CHD9: variants seen among roughly 807,000 people sequenced by gnomAD.
CHD9 encodes ATP-dependent chromatin remodeler CHD9.
A neutral mutation model predicts 316.1 loss-of-function variants in CHD9; 77 were observed. That is an observed-to-expected ratio of 0.24 (90% CI 0.20 to 0.29). The LOEUF is 0.29. CHD9 is among the 10% of genes least tolerant of loss of function. The pLI is 1.00. For synonymous variants in CHD9, 1,129 were observed against 1,158.3 expected (o/e 0.97, Z 0.51); for missense variants, 2,763 against 3,438.1 (o/e 0.80, Z 4.91).
At chr16:53,184,726 A>G (rs997616216) in intron 2 of CHD9, among the ~76,000 whole-genome samples, 1 of 152,164 alleles carries the variant, frequency 6.6e-6, no homozygotes, top group Non-Finnish European at 1.5e-5. Flanking sequence ...CCAAAATCTC[A>G]TCTTGAATTA....
intron 27 of CHD9, 137 bp downstream of exon 27, chr16:53,288,151 C>A: frequency 1.5e-6 from 1 of 653,394 alleles, no homozygotes; most frequent in Non-Finnish European, 2.7e-6. Flanking sequence ...AGTAAGTGAT[C>A]AACTTGGGTT....
intron 3 of CHD9, among the ~76,000 whole-genome samples, chr16:53,221,768 C>G (rs983680037): frequency 2.0e-5 from 3 of 151,988 alleles, no homozygotes; most frequent in Non-Finnish European, 2.9e-5. Flanking sequence ...TAAGCCTTAA[C>G]ATAAGTGAAA....
intron 19 of CHD9, among the ~76,000 whole-genome samples, chr16:53,262,784 C>T (rs545885526): frequency 1.3e-5 from 2 of 152,304 alleles, no homozygotes; most frequent in East Asian, 3.9e-4. Flanking sequence ...TTATTTAATT[C>T]TGCTCCTAAA....
At chr16:53,271,733 C>G (rs955103397) in intron 22 of CHD9, among the ~76,000 whole-genome samples, 2 of 151,790 alleles carry the variant, frequency 1.3e-5, no homozygotes, top group African/African-American at 4.8e-5. Context: ...GCTGTAAAAA[C>G]AGTGAAAGCA....
chr16:53,267,279 A>G lies in CHD9; in HGVS notation c.4321-15A>G, dbSNP rs779743561. ...CATAAAAGTACCTTCAGGTAATAGC[A>G]GTTCTGTTTTACAGAACAGCTTGGT... On this transcript the variant is annotated splice_polypyrimidine_tract_variant and intron_variant, in intron 20 of 38. Coordinates refer to ENST00000447540, the MANE Select transcript of CHD9 (RefSeq NM_001308319.2). 1.3e-6 allele frequency: 2 copies of G among 1,559,476 alleles called. No individual in the cohort carries two copies. Among genetic ancestry groups the G allele is most frequent in the Admixed American group, 1.8e-5 (1 of 54,610 alleles).
Position 53,263,028 on chromosome 16 carries a change from A to G in CHD9, c.4251A>G (p.Leu1417=). Residue 1417 remains leucine, a synonymous_variant, in exon 20 of 39, where the codon TTA becomes TTG. Coordinates refer to ENST00000447540, the MANE Select transcript of CHD9 (RefSeq NM_001308319.2). ...CTGGAAACCGGACAGATATTTCTTT[A>G]GATGATCCCAACTTCTGGCAAAAAT... ...VASGNRTDIS[L]DDPNFWQKWA... 6.2e-7 allele frequency: 1 copy of G among 1,613,064 alleles called. No homozygotes were observed. Among genetic ancestry groups the G allele is most frequent in the Non-Finnish European group, 8.5e-7 (1 of 1,179,284 alleles).
At position 53,072,362 on chromosome 16, in the gene CHD9, C is replaced by A. The variant is rs534523730; in HGVS notation, c.-165+17285C>A. Among the ~76,000 whole-genome samples the A allele has an allele frequency of 2.0e-5, 3 of 147,966 alleles. No homozygotes were observed. In the East Asian group the frequency reaches 5.9e-4, roughly 29 times the overall value. ...ATTGGGATCCCTGCAATATTTTTTTCCAATTTAAAAAATACATGTAAAATT... is the reference window on the plus strand; with the variant it reads ...ATTGGGATCCCTGCAATATTTTTTTACAATTTAAAAAATACATGTAAAATT... On this transcript the variant is annotated intron_variant, in intron 1 of 38. Transcript: ENST00000447540.
At chr16:53,211,684 A>ATT (rs2046347241) in intron 3 of CHD9, among the ~76,000 whole-genome samples, 1 of 152,106 alleles carries the variant, frequency 6.6e-6, no homozygotes, top group African/African-American at 2.4e-5. Context: ...GATAAGTAGT[A>ATT]TTGAAGTTTG....
At chr16:53,281,724 A>G (rs1175755474) in intron 24 of CHD9, among the ~76,000 whole-genome samples, 2 of 152,122 alleles carry the variant, frequency 1.3e-5, no homozygotes, top group Non-Finnish European at 2.9e-5. Context: ...GTGTTTTGCC[A>G]ACCTGTCAAG....
At chr16:53,088,173 A>G (rs936709081) in intron 1 of CHD9, among the ~76,000 whole-genome samples, 2 of 151,842 alleles carry the variant, frequency 1.3e-5, no homozygotes, top group Admixed American at 6.6e-5. Flanking sequence ...ATATCCTTTC[A>G]GGTCTGGGGT....
chr16:53,260,807 C>A (rs766409670), intron 19 of CHD9, among the ~76,000 whole-genome samples: 22 of 152,126 alleles, frequency 1.4e-4, no homozygotes, highest in Non-Finnish European at 2.6e-4. Context: ...ATGTCATATC[C>A]TTTTTCTCTT....
intron 1 of CHD9, among the ~76,000 whole-genome samples, chr16:53,102,363 AATT>A (rs980760606): frequency 3.3e-5 from 5 of 151,808 alleles, no homozygotes; most frequent in Admixed American, 1.3e-4. Flanking sequence ...GTCTAATAAT[AATT>A]ATTATTATTA....
chr16:53,078,095 A>AAT (rs893299338), intron 1 of CHD9, among the ~76,000 whole-genome samples: 7 of 152,120 alleles, frequency 4.6e-5, no homozygotes, highest in African/African-American at 7.2e-5. Context: ...AAGAGAAAAA[A>AAT]ATATATATAT....
intron 12 of CHD9, among the ~76,000 whole-genome samples, chr16:53,242,578 A>T (rs2152951103): frequency 6.6e-6 from 1 of 152,334 alleles, no homozygotes; most frequent in East Asian, 1.9e-4. Context: ...AAAAATTATC[A>T]TACAACATTT....
chr16:53,247,274 TCTC>T lies in CHD9; in HGVS notation c.3455-16_3455-14del, dbSNP rs759304635. The stretch of plus-strand genomic sequence containing the variant: ...CTGCATTTGCACATTGCTGTTATCT[TCTC>T]CTATTTCTTTGACAGGTGCTGAGGA... On this transcript the variant is annotated splice_polypyrimidine_tract_variant and intron_variant, in intron 15 of 38. Coordinates refer to ENST00000447540, the MANE Select transcript of CHD9 (RefSeq NM_001308319.2). The T allele has an allele frequency of 2.3e-5, 36 of 1,545,580 alleles. No individual in the cohort carries two copies. In the East Asian group the frequency reaches 3.0e-4, roughly 13 times the overall value.
At chr16:53,191,788 T>A (rs920183843) in intron 2 of CHD9, among the ~76,000 whole-genome samples, 4 of 152,126 alleles carry the variant, frequency 2.6e-5, no homozygotes, top group Non-Finnish European at 4.4e-5. Flanking sequence ...GTAAATATTG[T>A]CAGAATGGGG....
At chr16:53,150,067 CCTTTT>C (rs2040972041) in intron 1 of CHD9, among the ~76,000 whole-genome samples, 1 of 151,854 alleles carries the variant, frequency 6.6e-6, no homozygotes, top group Non-Finnish European at 1.5e-5. Context: ...CTAATCTTTT[CCTTTT>C]AAGTAGAAAA....
intron 37 of CHD9, among the ~76,000 whole-genome samples, chr16:53,320,224 C>T (rs2057176767): frequency 6.7e-6 from 1 of 149,664 alleles, no homozygotes; most frequent in African/African-American, 2.5e-5. Flanking sequence ...AAAGAAATAC[C>T]ATGTAAGAAT....
At position 53,124,391 on chromosome 16, in the gene CHD9, C is replaced by T. The variant is rs145584637; in HGVS notation, c.-164-31535C>T. ...AAAGGAGTAGCAAAGTCACATCTTACATGGTGGCAGGCGAGAGAGAGAGCA... is the reference window on the plus strand; with the variant it reads ...AAAGGAGTAGCAAAGTCACATCTTATATGGTGGCAGGCGAGAGAGAGAGCA... On this transcript the variant is annotated intron_variant, in intron 1 of 38. Transcript: ENST00000447540. 5.5e-3 allele frequency among the ~76,000 whole-genome samples: 830 copies of T among 150,978 alleles called. 7 individuals are homozygous for T. The highest frequency in any genetic ancestry group is 9.2e-3 in the Non-Finnish European group (625 of 67,916).
Sources: gnomAD v4.1 joint callset for allele counts (sites outside exome capture counted in the v4.1 genomes callset) on GRCh38, gnomAD v4.1.1 for gene constraint, MANE v1.5 for transcripts, NCBI Gene and HGNC (gene_info 2026-07-23, HGNC 2026-07-21) for gene names.